The following MPPE1 variants were observed in gnomAD, a reference collection of about 807,000 sequenced individuals.
The protein encoded by MPPE1 is metallo phosphoesterase.
Under a neutral mutation model 43.8 loss-of-function variants are expected in MPPE1, and 28 were observed. The ratio of observed to expected loss-of-function variants is 0.64; its 90% CI spans 0.47 to 0.88. The LOEUF is 0.88. Among genes scored for constraint, MPPE1 ranks in the 40% least tolerant of loss-of-function variants. MPPE1 has a pLI of 0.00. For missense variants in MPPE1, 428 were observed against 492.2 expected, an observed-to-expected ratio of 0.87 and a Z score of 1.23; for synonymous variants, 159 against 188.5, an observed-to-expected ratio of 0.84 and a Z score of 1.28.
chr18:11,890,332 AG>A (rs1242980049), intron 4 of MPPE1, among the ~76,000 whole-genome samples: 1 of 151,804 alleles, frequency 6.6e-6, no homozygotes, highest in Admixed American at 6.6e-5. Flanking sequence ...TTTTTGAGAC[AG>A]GGTCTCACTA....
In MPPE1 at chr18:11,894,810, G is replaced by A. The variant is rs1039157094; in HGVS notation, c.282-1234C>T. Reference sequence around the variant, plus strand: ...TCTCCATGTTGGTCAGGCTGGTCTCGAACTCCTGACCTCTGGTGATCCACC... The same window carrying A: ...TCTCCATGTTGGTCAGGCTGGTCTCAAACTCCTGACCTCTGGTGATCCACC... On this transcript the variant is annotated intron_variant, in intron 3 of 10. Coordinates refer to ENST00000588072, the MANE Select transcript of MPPE1 (RefSeq NM_023075.6). Among the ~76,000 whole-genome samples, 3 of 152,024 alleles carry A rather than the reference G, an allele frequency of 2.0e-5. No individual in the cohort carries two copies. The South Asian group carries it at 6.2e-4, about 32-fold the overall frequency.
intron 2 of MPPE1, chr18:11,897,725 C>G (rs180675065): frequency 6.5e-6 from 1 of 155,012 alleles, no homozygotes; most frequent in Non-Finnish European, 1.4e-5. Context: ...TCCCAGGATT[C>G]CCCACCACCC....
intron 2 of MPPE1, among the ~76,000 whole-genome samples, chr18:11,897,854 T>A (rs1458622340): frequency 6.6e-6 from 1 of 152,186 alleles, no homozygotes; most frequent in African/African-American, 2.4e-5. Context: ...ATGGACAATG[T>A]GCTTCAAAGA....
rs746910403 is a variant in MPPE1 at position 11,886,901 on chromosome 18, T to A, written c.678+16A>T. The A allele has an allele frequency of 1.2e-6, 2 of 1,603,290 alleles. No individual in the cohort carries two copies. Among genetic ancestry groups the A allele is most frequent in the South Asian group, 2.2e-5 (2 of 90,712 alleles). ...ACGGGACAGAAGGCACCTGTGGCAT[T>A]CAGATGCTCTCCTACCTCTCGGGAG... On this transcript the variant is annotated intron_variant, in intron 7 of 10. Coordinates refer to ENST00000588072, the MANE Select transcript of MPPE1 (RefSeq NM_023075.6). The surrounding 1 kb of genome is among the most constrained non-coding windows in gnomAD (Gnocchi z 4.1).
At chr18:11,899,740 C>T (rs8094168) in intron 2 of MPPE1, among the ~76,000 whole-genome samples, 40,466 of 151,960 alleles carry the variant, frequency 0.27, 7,989 homozygotes, top group African/African-American at 0.55. Context: ...GAGACCCTAA[C>T]TGAACCAATA....
rs781487299 is a variant in MPPE1 at position 11,883,838 on chromosome 18, T to G, written c.*607A>C. On this transcript the variant is annotated 3_prime_UTR_variant, in exon 11 of 11. Transcript: ENST00000588072. ...CAGCCTCAGCTGGTATTATAGGCAC[T>G]TGCTACCATGCTTGGCTAATTTTTG... The G allele has an allele frequency of 6.6e-6, 1 of 152,234 alleles. No individual in the cohort carries two copies. The highest frequency in any genetic ancestry group is 2.4e-5 in the African/African-American group (1 of 41,426). 9.4% of individuals were successfully genotyped at this position (152,234 alleles called of 1,614,324 possible). A position where few individuals can be genotyped will look rare whatever the true frequency, so the allele number is the denominator to read the frequency against.
intron 6 of MPPE1, among the ~76,000 whole-genome samples, chr18:11,887,877 A>T (rs2037517995): frequency 6.6e-6 from 1 of 152,150 alleles, no homozygotes; most frequent in Non-Finnish European, 1.5e-5. Flanking sequence ...CCTACTAGAG[A>T]CTCTGCCTTC....
chr18:11,890,152 C>T (rs1041124705), intron 4 of MPPE1, among the ~76,000 whole-genome samples: 1 of 151,748 alleles, frequency 6.6e-6, no homozygotes, highest in Non-Finnish European at 1.5e-5. Context: ...CTGTGTTAGC[C>T]AGGATGGTCG....
intron 1 of MPPE1, chr18:11,907,833 C>T (rs1598630380): frequency 6.6e-6 from 1 of 152,040 alleles, no homozygotes; most frequent in East Asian, 1.9e-4. Flanking sequence ...TTTTTAACTT[C>T]AAAGTTATCG....
chr18:11,895,833 G>A (rs369316628), intron 3 of MPPE1, among the ~76,000 whole-genome samples: 4 of 151,830 alleles, frequency 2.6e-5, no homozygotes, highest in Admixed American at 2.6e-4. Flanking sequence ...TAAAGTGCTG[G>A]GATTACAGGC....
rs2039704363 is a variant in MPPE1, at chr18:11,906,275, T to G, written c.-165A>C. Reference sequence around the variant, plus strand: ...AGAGAGATTGGTACGAGGCTCTAAGTTGGCATCTGCTCCCCAAAATCAGAA... The same window carrying G: ...AGAGAGATTGGTACGAGGCTCTAAGGTGGCATCTGCTCCCCAAAATCAGAA... On this transcript the variant is annotated 5_prime_UTR_variant, in exon 2 of 11. Transcript: ENST00000588072. 6.6e-6 allele frequency: 1 copy of G among 152,182 alleles called. No homozygotes were observed. Among genetic ancestry groups the G allele is most frequent in the Non-Finnish European group, 1.5e-5 (1 of 68,036 alleles). 9.4% of individuals were successfully genotyped at this position (152,182 alleles called of 1,614,324 possible). A position where few individuals can be genotyped will look rare whatever the true frequency, so the allele number is the denominator to read the frequency against.
chr18:11,893,214 G>T, intron 4 of MPPE1: 1 of 441,010 alleles, frequency 2.3e-6, no homozygotes, highest in Non-Finnish European at 4.1e-6. Flanking sequence ...ATGATATCTG[G>T]CTAATCGACA....
intron 1 of MPPE1, 79 bp downstream of exon 1, chr18:11,908,122 T>A (rs1453500100): frequency 1.3e-5 from 2 of 152,142 alleles, no homozygotes; most frequent in Non-Finnish European, 2.9e-5. Context: ...TTTTCCTAGG[T>A]TAACTTGCAA....
intron 3 of MPPE1, chr18:11,895,319 C>G (rs1203151003): frequency 1.3e-5 from 2 of 152,232 alleles, no homozygotes; most frequent in Non-Finnish European, 2.9e-5. Context: ...TGGCACAAGC[C>G]TGTTGTCCTA....
chr18:11,899,488 T>G (rs546983830), intron 2 of MPPE1, among the ~76,000 whole-genome samples: 75 of 152,350 alleles, frequency 4.9e-4, no homozygotes, highest in African/African-American at 1.7e-3. Context: ...TCCCAAATCT[T>G]GGATGAGCTT....
In MPPE1 at chr18:11,896,095, CTTTTTTTT is replaced by C. The variant is rs1178920790; in HGVS notation, c.281+881_281+888del. 2.1e-3 allele frequency among the ~76,000 whole-genome samples: 169 copies of C among 80,458 alleles called. 1 individual carries two copies. Among genetic ancestry groups the C allele is most frequent in the Admixed American group, 5.9e-3 (37 of 6,254 alleles). 52.8% of individuals were successfully genotyped at this position (80,458 alleles called of 152,430 possible). A position where few individuals can be genotyped will look rare whatever the true frequency, so the allele number is the denominator to read the frequency against. On this transcript the variant is annotated intron_variant, in intron 3 of 10. Coordinates refer to ENST00000588072, the MANE Select transcript of MPPE1 (RefSeq NM_023075.6). ...TCTTTCATTATTCTTATTCTTTATTCTTTTTTTTTTTTTTTTTTTTTTTTGAGATGGAA... is the reference window on the plus strand; with the variant it reads ...TCTTTCATTATTCTTATTCTTTATTCTTTTTTTTTTTTTTTTGAGATGGAA...
At position 11,886,852 on chromosome 18, in the gene MPPE1, A is replaced by C; in HGVS notation, c.678+65T>G. ...AAGGGCAAGAAGCGCTAGGGGGCTGAGTGAGCAACCGAAGCGGAGCAACAC... is the reference window on the plus strand; with the variant it reads ...AAGGGCAAGAAGCGCTAGGGGGCTGCGTGAGCAACCGAAGCGGAGCAACAC... On this transcript the variant is annotated intron_variant, in intron 7 of 10. Coordinates refer to ENST00000588072, the MANE Select transcript of MPPE1 (RefSeq NM_023075.6). This position sits in a 1 kb window ranked among gnomAD's most constrained non-coding sequence, Gnocchi z 4.1. The C allele has an allele frequency of 1.3e-6, 2 of 1,596,432 alleles. No homozygotes were observed. The highest frequency in any genetic ancestry group is 1.7e-6 in the Non-Finnish European group (2 of 1,167,672).
rs772197940 is a variant in MPPE1, at chr18:11,887,534, A to G, written c.570-509T>C. ...GACATACAGACACACACAGCAAGTAAGGCAGAGGGTAGGGTGCCGGTTAGA... is the reference window on the plus strand; with the variant it reads ...GACATACAGACACACACAGCAAGTAGGGCAGAGGGTAGGGTGCCGGTTAGA... On this transcript the variant is annotated intron_variant, in intron 6 of 10. Coordinates refer to ENST00000588072, the MANE Select transcript of MPPE1 (RefSeq NM_023075.6). Among the ~76,000 whole-genome samples the G allele has an allele frequency of 2.0e-5, 3 of 152,232 alleles. 1 individual carries two copies. Among genetic ancestry groups the G allele is most frequent in the Non-Finnish European group, 4.4e-5 (3 of 68,044 alleles).
chr18:11,885,858 A>G (rs752682332), intron 9 of MPPE1, 42 bp from the exon 10 acceptor site: 2 of 1,560,030 alleles, frequency 1.3e-6, no homozygotes, highest in South Asian at 2.3e-5. Flanking sequence ...CTGTTAGCTC[A>G]TCCTCAACCA....
Sources: gnomAD v4.1 joint callset for allele counts (sites outside exome capture counted in the v4.1 genomes callset) on GRCh38, gnomAD v4.1.1 for gene constraint, Gnocchi (gnomAD v3.1) non-coding constraint, MANE v1.5 for transcripts, NCBI Gene and HGNC (gene_info 2026-07-23, HGNC 2026-07-21) for gene names.